Variants in DCLK2 observed in about 807,000 individuals in gnomAD.
DCLK2 encodes the protein serine/threonine-protein kinase DCLK2.
DCLK2 carries 31 observed loss-of-function variants against 78.4 expected under a neutral mutation model. The observed-to-expected ratio is 0.40, with a 90% CI of 0.30 to 0.53. The LOEUF (loss-of-function observed/expected upper bound fraction) is 0.53, where lower values mean the gene tolerates loss of function less well. Among genes scored for constraint, DCLK2 ranks in the 20% least tolerant of loss-of-function variants. The pLI is 0.61. For missense variants in DCLK2, 872 were observed against 973.7 expected (o/e 0.90, Z 1.39); for synonymous variants, 407 against 374.9 (o/e 1.09, Z -0.99).
At chr4:150,252,094 G>C (rs970314711) in intron 15 of DCLK2, among the ~76,000 whole-genome samples, 1 of 152,158 alleles carries the variant, frequency 6.6e-6, no homozygotes, top group Non-Finnish European at 1.5e-5. Flanking sequence ...GAAAGCCTGA[G>C]AAAGTCAGAG....
chr4:150,136,012 T>C (rs1733660889), intron 2 of DCLK2, among the ~76,000 whole-genome samples: 1 of 152,138 alleles, frequency 6.6e-6, no homozygotes, highest in Admixed American at 6.5e-5. Context: ...GAGAATTGTG[T>C]TGATCAAGAT....
At chr4:150,196,312 A>G (rs533513149) in intron 3 of DCLK2, among the ~76,000 whole-genome samples, 3 of 152,192 alleles carry the variant, frequency 2.0e-5, no homozygotes, top group South Asian at 4.1e-4. Flanking sequence ...CTGCTCATAT[A>G]AAAGAGTAGC....
intron 2 of DCLK2, among the ~76,000 whole-genome samples, chr4:150,118,270 T>G (rs985401442): frequency 1.3e-5 from 2 of 151,832 alleles, no homozygotes; most frequent in Admixed American, 1.3e-4. Context: ...AAAAAATTGT[T>G]TTAGGTTTTA....
In DCLK2 at chr4:150,248,355, G is replaced by A. The variant is rs755142772; in HGVS notation, c.1926G>A (p.Ala642=). 1.4e-5 allele frequency: 23 copies of A among 1,613,778 alleles called. No individual in the cohort carries two copies. Among genetic ancestry groups the A allele is most frequent in the Non-Finnish European group, 1.9e-5 (22 of 1,179,984 alleles). Residue 642 remains alanine, a synonymous_variant, in exon 14 of 16, where the codon GCG becomes GCA. Coordinates refer to ENST00000296550, the MANE Select transcript of DCLK2 (RefSeq NM_001040260.4). ...LQVNVEARCT[A]GQILSHPWVS... ...TAAATGTTGAAGCTCGGTGTACCGC[G>A]GGACAAATCCTGAGTCACCCCTGGG...
intron 5 of DCLK2, 64 bp downstream of exon 5, chr4:150,203,953 GTTTAA>G: frequency 6.8e-7 from 1 of 1,468,958 alleles, no homozygotes; most frequent in Non-Finnish European, 9.5e-7. Context: ...TAGTTTAGCA[GTTTAA>G]TTTGTTTGGG....
chr4:150,086,351 C>T (rs1268016942), intron 1 of DCLK2, among the ~76,000 whole-genome samples: 3 of 152,016 alleles, frequency 2.0e-5, no homozygotes, highest in Non-Finnish European at 4.4e-5. Context: ...ATATTCCTTG[C>T]CCCTTTGTGT....
At chr4:150,234,946 G>A (rs1018534586) in intron 10 of DCLK2, among the ~76,000 whole-genome samples, 2 of 152,132 alleles carry the variant, frequency 1.3e-5, no homozygotes, top group African/African-American at 2.4e-5. Context: ...CCCGGGCTTC[G>A]CAAACAAAGG....
chr4:150,142,842 A>T (rs1734206881), intron 2 of DCLK2, among the ~76,000 whole-genome samples: 1 of 151,110 alleles, frequency 6.6e-6, no homozygotes, highest in African/African-American at 2.4e-5. Flanking sequence ...CAGGAGGAAC[A>T]TGCACATGTT....
chr4:150,122,561 C>G lies in DCLK2; in HGVS notation c.756+19749C>G, dbSNP rs541448190. On this transcript the variant is annotated intron_variant, in intron 2 of 15. Transcript: ENST00000296550. ...AAGTGGGAGTTGAACGATAAGAACA[C>G]ATGGACACAGGGAGGGGAACATCAC... 2.0e-5 allele frequency among the ~76,000 whole-genome samples: 3 copies of G among 152,062 alleles called. No homozygotes were observed. In the South Asian group the frequency reaches 6.2e-4, roughly 31 times the overall value.
chr4:150,095,291 GC>G (rs1730377358), intron 1 of DCLK2, among the ~76,000 whole-genome samples: 1 of 152,022 alleles, frequency 6.6e-6, no homozygotes. Context: ...CCTGGCTCTT[GC>G]TTTTCTTCAT....
At chr4:150,153,952 C>G (rs148098316) in intron 2 of DCLK2, among the ~76,000 whole-genome samples, 1 of 152,240 alleles carries the variant, frequency 6.6e-6, no homozygotes, top group African/African-American at 2.4e-5. Context: ...TCCATTCCAT[C>G]CCTTCCACCA....
At chr4:150,220,199 C>T (rs529837296) in intron 5 of DCLK2, among the ~76,000 whole-genome samples, 1 of 152,266 alleles carries the variant, frequency 6.6e-6, no homozygotes, top group South Asian at 2.1e-4. Flanking sequence ...CCATAGAGTG[C>T]TGTCGATTTG....
chr4:150,254,878 G>T (rs1294200549), intron 15 of DCLK2, among the ~76,000 whole-genome samples: 1 of 152,072 alleles, frequency 6.6e-6, no homozygotes, highest in Non-Finnish European at 1.5e-5. Flanking sequence ...TGGAGTCTCT[G>T]TGTTGCCCAG....
intron 2 of DCLK2, among the ~76,000 whole-genome samples, chr4:150,165,778 C>G (rs576507925): frequency 7.2e-5 from 11 of 152,176 alleles, no homozygotes; most frequent in Non-Finnish European, 1.0e-4. Context: ...CCCAAAAGTT[C>G]ATGTGTTGGA....
At chr4:150,221,384 GT>G (rs1475839884) in intron 6 of DCLK2, among the ~76,000 whole-genome samples, 1 of 149,878 alleles carries the variant, frequency 6.7e-6, no homozygotes, top group Admixed American at 6.7e-5. Context: ...CGACAAAAAA[GT>G]TTGGATAAGT....
chr4:150,096,391 C>A (rs1020709604), intron 1 of DCLK2, among the ~76,000 whole-genome samples: 1 of 152,140 alleles, frequency 6.6e-6, no homozygotes, highest in African/African-American at 2.4e-5. Flanking sequence ...GAGGGATATT[C>A]TGTTAGTGGG....
chr4:150,158,765 G>A (rs568167152), intron 2 of DCLK2, among the ~76,000 whole-genome samples: 2 of 152,212 alleles, frequency 1.3e-5, no homozygotes, highest in Admixed American at 1.3e-4. Context: ...AGGAAAGGTG[G>A]CATTTGTTGG....
intron 2 of DCLK2, among the ~76,000 whole-genome samples, chr4:150,160,460 G>C (rs907228644): frequency 2.6e-5 from 4 of 152,216 alleles, no homozygotes; most frequent in Non-Finnish European, 5.9e-5. Context: ...AAGGATGCCA[G>C]TGAAGTTTAT....
chr4:150,082,004 A>AC (rs1311945633), intron 1 of DCLK2, among the ~76,000 whole-genome samples: 2 of 151,694 alleles, frequency 1.3e-5, no homozygotes, highest in Non-Finnish European at 2.9e-5. Context: ...TCTCAAAAAA[A>AC]AAAAAAAAAA....
Sources: allele counts gnomAD v4.1 joint callset (sites outside exome capture counted in the v4.1 genomes callset), GRCh38; gene constraint gnomAD v4.1.1; transcripts MANE v1.5; gene names NCBI Gene and HGNC (gene_info 2026-07-23, HGNC 2026-07-21).